Variants in HPSE2 observed in about 807,000 individuals in gnomAD.
The protein encoded by HPSE2 is inactive heparanase-2.
In HPSE2, 38 loss-of-function variants were observed where a neutral mutation model predicts 60.5. The observed-to-expected ratio is 0.63, with a 90% CI of 0.48 to 0.82. HPSE2 has a LOEUF of 0.82. HPSE2 is among the 40% of genes least tolerant of loss of function. HPSE2 has a pLI of 0.00. For synonymous variants in HPSE2, 295 were observed against 293.2 expected (o/e 1.01, Z -0.06); for missense variants, 713 against 740.4 (o/e 0.96, Z 0.43).
chr10:99,186,104 C>CCACACA (rs527839752), intron 2 of HPSE2, among the ~76,000 whole-genome samples: 3,619 of 80,590 alleles, frequency 0.045, 93 homozygotes, highest in East Asian at 0.11. Flanking sequence ...GGATAAATAA[C>CCACACA]CACACACACA....
At chr10:98,903,399 A>G (rs1953720657) in intron 3 of HPSE2, among the ~76,000 whole-genome samples, 1 of 152,096 alleles carries the variant, frequency 6.6e-6, no homozygotes, top group Non-Finnish European at 1.5e-5. Context: ...GTACACTTTA[A>G]ATGGATGAAT....
intron 8 of HPSE2, among the ~76,000 whole-genome samples, chr10:98,615,420 C>T (rs557379592): frequency 6.6e-6 from 1 of 152,196 alleles, no homozygotes; most frequent in Non-Finnish European, 1.5e-5. Context: ...CCCTCAAACT[C>T]CCCTGCTTAT....
intron 2 of HPSE2, among the ~76,000 whole-genome samples, chr10:99,150,966 A>T (rs1466970394): frequency 6.6e-6 from 1 of 152,212 alleles, no homozygotes; most frequent in Non-Finnish European, 1.5e-5. Context: ...GCTGATCACT[A>T]AGCTATGCAG....
chr10:98,464,805 G>A (rs1940456925), intron 11 of HPSE2, among the ~76,000 whole-genome samples: 1 of 152,136 alleles, frequency 6.6e-6, no homozygotes, highest in African/African-American at 2.4e-5. Context: ...TTTCATTAAT[G>A]CGCCAATTAC....
chr10:98,894,601 G>A (rs1170784736), intron 3 of HPSE2, among the ~76,000 whole-genome samples: 3 of 151,848 alleles, frequency 2.0e-5, no homozygotes, highest in African/African-American at 7.3e-5. Flanking sequence ...GAAAGTCAAA[G>A]ATATAGAAAA....
intron 9 of HPSE2, among the ~76,000 whole-genome samples, chr10:98,500,697 G>GAAAC (rs1478934281): frequency 6.6e-6 from 1 of 151,828 alleles, no homozygotes; most frequent in African/African-American, 2.4e-5. Flanking sequence ...AAATGAAATT[G>GAAAC]AAACAAACAA....
At chr10:99,263,678 C>G in the HPSE2 span, among the ~76,000 whole-genome samples, 1 of 152,074 alleles carries the variant, frequency 6.6e-6, no homozygotes, top group Non-Finnish European at 1.5e-5. Flanking sequence ...TACTCTCCCA[C>G]TGAAGTTTCC....
intron 2 of HPSE2, among the ~76,000 whole-genome samples, chr10:99,185,103 C>T (rs978056699): frequency 3.3e-5 from 5 of 151,488 alleles, no homozygotes; most frequent in Non-Finnish European, 7.4e-5. Flanking sequence ...AGTTCAAGAC[C>T]AGCCTGGCCT....
At chr10:99,255,787 C>T in the HPSE2 span, among the ~76,000 whole-genome samples, 1 of 152,182 alleles carries the variant, frequency 6.6e-6, no homozygotes, top group Admixed American at 6.5e-5. Flanking sequence ...GAACATGCCT[C>T]CACCTTCACA....
chr10:98,863,265 T>C (rs1952502843), intron 3 of HPSE2, among the ~76,000 whole-genome samples: 1 of 152,122 alleles, frequency 6.6e-6, no homozygotes, highest in Non-Finnish European at 1.5e-5. Context: ...GGAATTCCAA[T>C]GTGCCAAATA....
At chr10:98,917,119 A>C (rs1284301274) in intron 3 of HPSE2, among the ~76,000 whole-genome samples, 1 of 152,186 alleles carries the variant, frequency 6.6e-6, no homozygotes, top group African/African-American at 2.4e-5. Flanking sequence ...AGGAATCAAC[A>C]GATCCATCCA....
the HPSE2 span, among the ~76,000 whole-genome samples, chr10:99,261,726 T>C: frequency 1.3e-5 from 2 of 152,052 alleles, no homozygotes; most frequent in East Asian, 3.9e-4. Context: ...AGATGTACAA[T>C]AATAGAGAAG....
intron 9 of HPSE2, among the ~76,000 whole-genome samples, chr10:98,526,753 A>C (rs1942978247): frequency 6.6e-6 from 1 of 152,126 alleles, no homozygotes; most frequent in South Asian, 2.1e-4. Context: ...AAAGCAAATG[A>C]TGGAGAAGGA....
intron 3 of HPSE2, among the ~76,000 whole-genome samples, chr10:99,011,849 C>A (rs1215655185): frequency 1.3e-5 from 2 of 150,208 alleles, no homozygotes; most frequent in African/African-American, 4.9e-5. Flanking sequence ...ATCAATCAAT[C>A]TTTAAAAGAA....
intron 3 of HPSE2, among the ~76,000 whole-genome samples, chr10:99,069,809 C>A (rs1842729287): frequency 6.6e-6 from 1 of 151,752 alleles, no homozygotes; most frequent in South Asian, 2.1e-4. Context: ...GAGGGTTACA[C>A]AGACAACCAC....
chr10:98,533,502 T>C (rs866283548), intron 9 of HPSE2, among the ~76,000 whole-genome samples: 4 of 152,356 alleles, frequency 2.6e-5, no homozygotes, highest in Middle Eastern at 3.4e-3. Flanking sequence ...TTTAAACATA[T>C]GTTTTTTATA....
intron 2 of HPSE2, among the ~76,000 whole-genome samples, chr10:99,198,556 T>C (rs1352855513): frequency 2.0e-5 from 3 of 152,228 alleles, no homozygotes; most frequent in Non-Finnish European, 4.4e-5. Context: ...GGCATGATTT[T>C]ATTGAAATGG....
At chr10:98,865,295 T>C (rs2134799065) in intron 3 of HPSE2, among the ~76,000 whole-genome samples, 1 of 152,216 alleles carries the variant, frequency 6.6e-6, no homozygotes, top group East Asian at 1.9e-4. Context: ...TCACTAAATG[T>C]AGTTTAAAGA....
rs1207903550 is a variant in HPSE2, at chr10:98,908,248, C to T, written c.611-164192G>A. On this transcript the variant is annotated intron_variant, in intron 3 of 11. Transcript: ENST00000370552. ...CAAAATGTGAAATAACAAAGAACCA[C>T]TCAAGTCACTCTCACACAGAGCTGG... is the stretch of plus-strand genomic sequence containing the variant. Among the ~76,000 whole-genome samples the T allele has an allele frequency of 2.6e-5, 4 of 152,166 alleles. No homozygotes were observed. The East Asian group carries it at 5.8e-4, about 22-fold the overall frequency.
Sources: gnomAD v4.1 joint callset for allele counts (sites outside exome capture counted in the v4.1 genomes callset) on GRCh38, gnomAD v4.1.1 for gene constraint, MANE v1.5 for transcripts, NCBI Gene and HGNC (gene_info 2026-07-23, HGNC 2026-07-21) for gene names.